The following ZCWPW2 variants were observed in gnomAD, a reference collection of about 807,000 sequenced individuals.
The protein encoded by ZCWPW2 is zinc finger CW-type and PWWP domain containing 2.
In ZCWPW2, 45 loss-of-function variants were observed where a neutral mutation model predicts 46.6. The observed-to-expected ratio is 0.96, with a 90% CI of 0.76 to 1.24. The LOEUF is 1.24. Among genes scored for constraint, ZCWPW2 ranks in the 50% most tolerant of loss-of-function variants. The pLI is 0.00. For synonymous variants in ZCWPW2, 152 were observed against 137.1 expected (o/e 1.11, Z -0.76); for missense variants, 429 against 403.9 (o/e 1.06, Z -0.53).
intron 1 of ZCWPW2, among the ~76,000 whole-genome samples, chr3:28,390,126 C>T (rs894160785): frequency 2.6e-5 from 4 of 152,194 alleles, no homozygotes; most frequent in Non-Finnish European, 4.4e-5. Flanking sequence ...TGTCAGCCCA[C>T]ATTCTTGATG....
At chr3:28,447,722 A>C in intron 4 of ZCWPW2, 1 of 574,024 alleles carries the variant, frequency 1.7e-6, no homozygotes, top group Non-Finnish European at 3.3e-6. Context: ...AGAGGCACTC[A>C]GAATGGTCCA....
intron 3 of ZCWPW2, among the ~76,000 whole-genome samples, chr3:28,421,429 TGGG>T (rs548823357): frequency 1.6e-3 from 245 of 152,268 alleles, no homozygotes; most frequent in Non-Finnish European, 2.7e-3. Flanking sequence ...GCCTTTGGTA[TGGG>T]GGTAAATGTG....
chr3:28,441,308 A>C (rs1204331294), intron 4 of ZCWPW2, among the ~76,000 whole-genome samples: 1 of 152,192 alleles, frequency 6.6e-6, no homozygotes, highest in East Asian at 1.9e-4. Context: ...TTTTCCAGTC[A>C]TGCTTCTTCC....
intron 4 of ZCWPW2, among the ~76,000 whole-genome samples, chr3:28,462,806 GA>G (rs34386650): frequency 0.21 from 31,534 of 151,980 alleles, 4,061 homozygotes; most frequent in Middle Eastern, 0.29. Context: ...TTTTTTCCTT[GA>G]ATTTTGTTAC....
At chr3:28,511,849 G>C (rs1700434235) in intron 6 of ZCWPW2, among the ~76,000 whole-genome samples, 1 of 151,980 alleles carries the variant, frequency 6.6e-6, no homozygotes. Context: ...TTCCTCCAAA[G>C]TACATTCTGT....
chr3:28,502,286 CA>C (rs1298892873), intron 6 of ZCWPW2, among the ~76,000 whole-genome samples: 1 of 151,940 alleles, frequency 6.6e-6, no homozygotes, highest in Non-Finnish European at 1.5e-5. Context: ...TCTCTGATTC[CA>C]AATCCTTTTA....
chr3:28,366,756 G>C (rs1228934457), intron 1 of ZCWPW2, among the ~76,000 whole-genome samples: 1 of 152,186 alleles, frequency 6.6e-6, no homozygotes, highest in Non-Finnish European at 1.5e-5. Context: ...GAATTCGGCT[G>C]TGAATCCATC....
chr3:28,360,349 C>CAAAAAAAAAAAAA (rs71087692), intron 1 of ZCWPW2, among the ~76,000 whole-genome samples: 16 of 53,882 alleles, frequency 3.0e-4, no homozygotes, highest in African/African-American at 5.7e-4. Flanking sequence ...ACTAAAAATA[C>CAAAAAAAAAAAAA]AAAAAAAAAA....
At chr3:28,393,331 A>T (rs907877201) in intron 2 of ZCWPW2, among the ~76,000 whole-genome samples, 1 of 152,080 alleles carries the variant, frequency 6.6e-6, no homozygotes, top group African/African-American at 2.4e-5. Flanking sequence ...AGAGATGATA[A>T]CTTCGCTGCT....
At chr3:28,522,518 G>C (rs942689891) in intron 9 of ZCWPW2, among the ~76,000 whole-genome samples, 3 of 152,106 alleles carry the variant, frequency 2.0e-5, no homozygotes, top group Admixed American at 1.3e-4. Flanking sequence ...AGACTGCCCA[G>C]TTGTATGATT....
intron 5 of ZCWPW2, 60 bp downstream of exon 5, chr3:28,478,991 C>G: frequency 1.8e-6 from 2 of 1,107,324 alleles, no homozygotes; most frequent in Non-Finnish European, 2.6e-6. Context: ...TGCATGTTTT[C>G]CAAAATATGT....
chr3:28,434,996 T>C, intron 3 of ZCWPW2, 114 bp from the exon 4 acceptor site: 1 of 1,077,490 alleles, frequency 9.3e-7, no homozygotes, highest in Non-Finnish European at 1.3e-6. Context: ...GGAATATATG[T>C]TTTGTGAAAA....
At chr3:28,484,186 C>T (rs1041852122) in intron 5 of ZCWPW2, among the ~76,000 whole-genome samples, 4 of 150,934 alleles carry the variant, frequency 2.7e-5, no homozygotes, top group Non-Finnish European at 3.0e-5. Context: ...TTTTTTCATA[C>T]GCTTTTCTGT....
Position 28,348,834 on chromosome 3 carries a change from G to C in ZCWPW2, c.-503G>C, listed in dbSNP as rs1430944474. ...GACGTTCTGGAAGGAGGGACGAGCC[G>C]AGGCAGGAGGGGCCGGGCCGACGCG... is the stretch of plus-strand genomic sequence containing the variant. On this transcript the variant is annotated 5_prime_UTR_variant, in exon 1 of 10. Transcript: ENST00000383768. 2.0e-6 allele frequency: 1 copy of C among 505,768 alleles called. No individual in the cohort carries two copies. The highest frequency in any genetic ancestry group is 2.6e-6 in the Non-Finnish European group (1 of 391,510). 31.3% of individuals were successfully genotyped at this position (505,768 alleles called of 1,614,324 possible).
At chr3:28,508,777 C>T (rs930091352) in intron 6 of ZCWPW2, among the ~76,000 whole-genome samples, 1 of 152,184 alleles carries the variant, frequency 6.6e-6, no homozygotes, top group East Asian at 1.9e-4. Context: ...ATCTGCCCAC[C>T]TTGGCCTCCC....
intron 7 of ZCWPW2, 118 bp downstream of exon 7, chr3:28,514,240 A>C: frequency 1.6e-6 from 1 of 632,560 alleles, no homozygotes; most frequent in Non-Finnish European, 2.3e-6. Flanking sequence ...CAACCACTGC[A>C]TAGTCAGGGC....
rs565861959 is a variant in ZCWPW2 at position 28,435,733 on chromosome 3, G to A, written c.492+464G>A. Among the ~76,000 whole-genome samples the A allele has an allele frequency of 2.4e-4, 37 of 152,110 alleles. No individual in the cohort carries two copies. In the East Asian group the frequency reaches 2.5e-3, roughly 10 times the overall value. ...GAACTCCTGACCTTGTGATCAGCCC[G>A]CCCCGGCCTCCGAAAGTGCTGGGAT... On this transcript the variant is annotated intron_variant, in intron 4 of 9. Transcript: ENST00000383768.
chr3:28,468,852 C>T (rs1387486846), intron 4 of ZCWPW2, among the ~76,000 whole-genome samples: 1 of 152,094 alleles, frequency 6.6e-6, no homozygotes, highest in African/African-American at 2.4e-5. Flanking sequence ...AAGGATCTTC[C>T]TGAGCAATAC....
chr3:28,467,865 C>A (rs146740745), intron 4 of ZCWPW2, among the ~76,000 whole-genome samples: 1 of 152,214 alleles, frequency 6.6e-6, no homozygotes, highest in East Asian at 1.9e-4. Context: ...TGCAAACAAA[C>A]CCATATCGTG....
Sources: allele counts gnomAD v4.1 joint callset (sites outside exome capture counted in the v4.1 genomes callset), GRCh38; gene constraint gnomAD v4.1.1; transcripts MANE v1.5; gene names NCBI Gene and HGNC (gene_info 2026-07-23, HGNC 2026-07-21).